The following TLE4 variants were observed in gnomAD, a reference collection of about 807,000 sequenced individuals.
The protein encoded by TLE4 is TLE family member 4, transcriptional corepressor, also known as transducin-like enhancer protein 4.
TLE4 carries 8 observed loss-of-function variants against 92.8 expected under a neutral mutation model. The observed-to-expected ratio is 0.09, with a 90% confidence interval of 0.05 to 0.16. The LOEUF (loss-of-function observed/expected upper bound fraction) is 0.16, where lower values mean the gene tolerates loss of function less well. Among genes scored for constraint, TLE4 ranks in the 10% least tolerant of loss-of-function variants. TLE4 has a pLI of 1.00. For missense variants in TLE4, 675 were observed against 997.6 expected, an observed-to-expected ratio of 0.68 and a Z score of 4.36; for synonymous variants, 371 against 374.1, an observed-to-expected ratio of 0.99 and a Z score of 0.10.
At chr9:79,572,955 C>T in intron 1 of TLE4, 120 bp downstream of exon 1, 1 of 1,126,222 alleles carries the variant, frequency 8.9e-7, no homozygotes, top group Non-Finnish European at 1.2e-6. Context: ...GAAATCGGCG[C>T]CCCGCGCCGG....
chr9:79,634,246 A>T (rs889953333), intron 6 of TLE4, among the ~76,000 whole-genome samples: 4 of 152,200 alleles, frequency 2.6e-5, no homozygotes, highest in Non-Finnish European at 5.9e-5. Context: ...TTCTATTAAA[A>T]TTTTGGTAGC....
chr9:79,709,552 A>T (rs1370881118), intron 13 of TLE4, 71 bp from the exon 14 acceptor site: 49 of 1,371,142 alleles, frequency 3.6e-5, no homozygotes, highest in Non-Finnish European at 4.8e-5. Context: ...TTTAGAATAG[A>T]TTTTGAGAAG....
intron 8 of TLE4, among the ~76,000 whole-genome samples, chr9:79,667,171 A>G (rs573539510): frequency 6.6e-6 from 1 of 152,308 alleles, no homozygotes; most frequent in South Asian, 2.1e-4. Context: ...AGACTGAGTA[A>G]ACCCTGGAAG....
chr9:79,600,332 A>G (rs896060826), intron 4 of TLE4, among the ~76,000 whole-genome samples: 4 of 152,172 alleles, frequency 2.6e-5, no homozygotes, highest in African/African-American at 9.7e-5. Flanking sequence ...TTTTCTGATT[A>G]TAGAGAGTTT....
In TLE4 at chr9:79,708,285, G is replaced by A. The variant is rs1310837891; in HGVS notation, c.1069+35G>A. 20 of 1,607,672 alleles carry A rather than the reference G, an allele frequency of 1.2e-5. No homozygotes were observed. The African/African-American group carries it at 2.4e-4, about 19-fold the overall frequency. On this transcript the variant is annotated intron_variant, in intron 12 of 19. Transcript: ENST00000376552. ...AAAAAAGTTTTTTCTATATTTTTAT[G>A]CTCGTTTTTAAGAATTTAAAGCAAT...
At chr9:79,696,043 A>G (rs1466974052) in intron 8 of TLE4, among the ~76,000 whole-genome samples, 2 of 152,182 alleles carry the variant, frequency 1.3e-5, no homozygotes, top group Non-Finnish European at 2.9e-5. Flanking sequence ...CTGACATGGT[A>G]ACCACAAGCC....
chr9:79,719,997 T>C, intron 15 of TLE4, 49 bp from the exon 16 acceptor site: 1 of 1,559,386 alleles, frequency 6.4e-7, no homozygotes, highest in Non-Finnish European at 8.7e-7. Context: ...ATGTTAATGC[T>C]GTTTTCCTTT....
In TLE4 at chr9:79,582,548, C is replaced by G. The variant is rs116182992; in HGVS notation, c.252+6371C>G. 8.1e-3 allele frequency among the ~76,000 whole-genome samples: 1,204 copies of G among 148,844 alleles called. 13 individuals carry two copies. The highest frequency in any genetic ancestry group is 0.026 in the African/African-American group (1,040 of 40,240). ...ATCTTTTTTATTTCTTCTTTTTTTTCTTGTGTTATAAGATAGGTAGAGGAA... is the reference window on the plus strand; with the variant it reads ...ATCTTTTTTATTTCTTCTTTTTTTTGTTGTGTTATAAGATAGGTAGAGGAA... On this transcript the variant is annotated intron_variant, in intron 4 of 19. Coordinates refer to ENST00000376552, the MANE Select transcript of TLE4 (RefSeq NM_007005.6).
intron 6 of TLE4, among the ~76,000 whole-genome samples, chr9:79,650,848 G>A (rs1444783443): frequency 6.6e-6 from 1 of 152,004 alleles, no homozygotes; most frequent in Non-Finnish European, 1.5e-5. Flanking sequence ...CCAGAACATA[G>A]GTACAAGTCA....
At chr9:79,677,106 A>G (rs2063401748) in intron 8 of TLE4, among the ~76,000 whole-genome samples, 1 of 152,124 alleles carries the variant, frequency 6.6e-6, no homozygotes, top group East Asian at 1.9e-4. Context: ...TTCCCCAACT[A>G]GATTCTTTTT....
In TLE4 at chr9:79,606,187, G is replaced by GTT. The variant is rs71364420; in HGVS notation, c.253-6432_253-6431dup. Among the ~76,000 whole-genome samples the GTT allele has an allele frequency of 9.0e-3, 258 of 28,700 alleles. 102 individuals are homozygous for GTT. The highest frequency in any genetic ancestry group is 0.014 in the East Asian group (14 of 1,032). The allele number at this position is 28,700 out of a possible 152,430, so 18.8% of individuals were successfully genotyped here. On this transcript the variant is annotated intron_variant, in intron 4 of 19. Coordinates refer to ENST00000376552, the MANE Select transcript of TLE4 (RefSeq NM_007005.6). ...ATTGCTTTATTAAGCAGTAGTAGTT[G>GTT]TTTTTTTTTTTTTTTTTTTTTTTTT...
At chr9:79,653,589 A>G (rs1214565847) in intron 7 of TLE4, among the ~76,000 whole-genome samples, 1 of 152,200 alleles carries the variant, frequency 6.6e-6, no homozygotes, top group African/African-American at 2.4e-5. Flanking sequence ...ACTTAGCACA[A>G]GGGTGGTTCA....
chr9:79,715,407 ACCTTCT>A (rs1393840810), intron 14 of TLE4, among the ~76,000 whole-genome samples: 9 of 151,938 alleles, frequency 5.9e-5, no homozygotes, highest in African/African-American at 2.2e-4. Context: ...CGTTACTGCC[ACCTTCT>A]CCTTGTCTGA....
intron 5 of TLE4, among the ~76,000 whole-genome samples, chr9:79,619,912 A>G (rs1028295858): frequency 6.6e-6 from 1 of 152,176 alleles, no homozygotes; most frequent in African/African-American, 2.4e-5. Context: ...ATTCTGTCCC[A>G]TATTCCGTGG....
At chr9:79,716,667 T>A (rs1201833085) in intron 14 of TLE4, among the ~76,000 whole-genome samples, 3 of 152,260 alleles carry the variant, frequency 2.0e-5, no homozygotes, top group Non-Finnish European at 4.4e-5. Flanking sequence ...ATCATCATAC[T>A]GTCTTCAGAC....
At chr9:79,603,505 T>A (rs543276867) in intron 4 of TLE4, among the ~76,000 whole-genome samples, 1 of 152,192 alleles carries the variant, frequency 6.6e-6, no homozygotes, top group South Asian at 2.1e-4. Flanking sequence ...TAAATTATGG[T>A]GTATTGTGTG....
rs145575313 is a variant in TLE4, at chr9:79,612,202, A to G, written c.253-454A>G. Among the ~76,000 whole-genome samples, 506 of 152,242 alleles carry G rather than the reference A, an allele frequency of 3.3e-3. 4 individuals are homozygous for G. Among genetic ancestry groups the G allele is most frequent in the African/African-American group, 0.011 (467 of 41,544 alleles). On this transcript the variant is annotated intron_variant, in intron 4 of 19. Transcript: ENST00000376552. ...TCTTGAGTTTAAAATCACAGCACCAATGTTTTTAAAGCAAAGGCCACAAAT... is the reference window on the plus strand; with the variant it reads ...TCTTGAGTTTAAAATCACAGCACCAGTGTTTTTAAAGCAAAGGCCACAAAT...
At chr9:79,658,098 A>G (rs1436552746) in intron 8 of TLE4, among the ~76,000 whole-genome samples, 5 of 152,136 alleles carry the variant, frequency 3.3e-5, no homozygotes, top group Admixed American at 6.5e-5. Context: ...TTTCATTGGA[A>G]TGTCTTCAAG....
chr9:79,597,580 C>T (rs970946574), intron 4 of TLE4, among the ~76,000 whole-genome samples: 1 of 151,982 alleles, frequency 6.6e-6, no homozygotes, highest in Admixed American at 6.6e-5. Flanking sequence ...TGACATAGTC[C>T]CCCCACAAGC....
Sources: allele counts gnomAD v4.1 joint callset (sites outside exome capture counted in the v4.1 genomes callset), GRCh38; gene constraint gnomAD v4.1.1; transcripts MANE v1.5; gene names NCBI Gene and HGNC (gene_info 2026-07-23, HGNC 2026-07-21).